The following CCL17 variants were observed in gnomAD, a reference collection of about 807,000 sequenced individuals.
CCL17 encodes C-C motif chemokine ligand 17, also known as C-C motif chemokine 17.
A neutral mutation model predicts 7.4 loss-of-function variants in CCL17; 8 were observed. That is an observed-to-expected ratio of 1.09 (90% CI 0.64 to 1.96). The LOEUF (loss-of-function observed/expected upper bound fraction) is 1.96, where lower values mean the gene tolerates loss of function less well. Among genes scored for constraint, CCL17 ranks in the 30% most tolerant of loss-of-function variants. The pLI is 0.00. For missense variants in CCL17, 102 were observed against 113.0 expected (o/e 0.90, Z 0.44); for synonymous variants, 40 against 46.1 (o/e 0.87, Z 0.54).
intron 1 of CCL17, among the ~76,000 whole-genome samples, chr16:57,406,967 G>A (rs1902705307): frequency 6.6e-6 from 1 of 152,138 alleles, no homozygotes; most frequent in African/African-American, 2.4e-5. Context: ...CTCAGTGAGA[G>A]CACCTTTCCT....
the CCL17 span, among the ~76,000 whole-genome samples, chr16:57,397,606 G>C: frequency 6.6e-6 from 1 of 152,128 alleles, no homozygotes; most frequent in Non-Finnish European, 1.5e-5. Flanking sequence ...CACTTCCTTG[G>C]GGTCTTGCAC....
intron 2 of CCL17, 66 bp downstream of exon 2, chr16:57,414,068 C>T: frequency 1.5e-6 from 2 of 1,304,244 alleles, no homozygotes; most frequent in Non-Finnish European, 2.2e-6. Context: ...GCATGAAGAC[C>T]ACCACAGCAA....
chr16:57,401,000 C>T (rs775668908), upstream of CCL17, among the ~76,000 whole-genome samples: 2 of 151,696 alleles, frequency 1.3e-5, no homozygotes, highest in Non-Finnish European at 2.9e-5. Flanking sequence ...CCCAAAGCCA[C>T]GCACTTAGTA....
chr16:57,402,970 G>A (rs762264759), upstream of CCL17, among the ~76,000 whole-genome samples: 12 of 129,862 alleles, frequency 9.2e-5, no homozygotes, highest in Non-Finnish European at 1.7e-4. Context: ...GTAAACAGCA[G>A]ACATAAGTAA....
chr16:57,397,399 A>G, the CCL17 span, among the ~76,000 whole-genome samples: 10 of 152,224 alleles, frequency 6.6e-5, no homozygotes, highest in Non-Finnish European at 2.9e-5. Context: ...CCCCCATGAA[A>G]GTCCCCATTC....
At chr16:57,410,394 C>T (rs1902764919) in intron 1 of CCL17, among the ~76,000 whole-genome samples, 2 of 152,266 alleles carry the variant, frequency 1.3e-5, no homozygotes, top group Non-Finnish European at 2.9e-5. Flanking sequence ...CACAGCCGCT[C>T]CTCCCACTCA....
At chr16:57,409,029 G>T (rs1177993124) in intron 1 of CCL17, among the ~76,000 whole-genome samples, 15 of 152,186 alleles carry the variant, frequency 9.9e-5, no homozygotes, top group Admixed American at 9.8e-4. Flanking sequence ...ATTTTATTGA[G>T]CACCCACTAA....
intron 1 of CCL17, among the ~76,000 whole-genome samples, chr16:57,412,062 C>A (rs1473430329): frequency 1.3e-5 from 2 of 152,168 alleles, no homozygotes; most frequent in Non-Finnish European, 2.9e-5. Flanking sequence ...TGATGGGACC[C>A]CCAGAGAAGC....
Position 57,415,420 on chromosome 16 carries a change from A to G in CCL17, c.188+222A>G, listed in dbSNP as rs974742606. 6.6e-6 allele frequency among the ~76,000 whole-genome samples: 1 copy of G among 152,196 alleles called. No individual in the cohort carries two copies. Among genetic ancestry groups the G allele is most frequent in the Admixed American group, 6.5e-5 (1 of 15,274 alleles). On this transcript the variant is annotated intron_variant, in intron 3 of 3. Transcript: ENST00000219244. The surrounding 1 kb of genome is among the most constrained non-coding windows in gnomAD (Gnocchi z 4.5). ...GAAATTGAGGCCCCGGGAGCAATGA[A>G]CACCCCCAGGTCACACAGCTGGTCA...
At chr16:57,403,585 A>ATATATATTTATAATATATAAT, upstream of CCL17, among the ~76,000 whole-genome samples, 1 of 48,636 alleles carries the variant, frequency 2.1e-5, no homozygotes, top group African/African-American at 1.4e-4. Context: ...TAATATATAT[A>ATATATATTTATAATATATAAT]ATATATATTT....
At chr16:57,409,258 CG>C (rs111787083) in intron 1 of CCL17, among the ~76,000 whole-genome samples, 1 of 152,056 alleles carries the variant, frequency 6.6e-6, no homozygotes, top group Admixed American at 6.6e-5. Context: ...GGAAGTGAGA[CG>C]GGGGAACAGG....
chr16:57,404,448 G>A (rs903733838), upstream of CCL17, among the ~76,000 whole-genome samples: 2 of 152,074 alleles, frequency 1.3e-5, no homozygotes, highest in African/African-American at 2.4e-5. Flanking sequence ...TAGCGCCCAG[G>A]TTTCTGGCCC....
At chr16:57,403,088 T>C (rs1902615962), upstream of CCL17, among the ~76,000 whole-genome samples, 1 of 124,760 alleles carries the variant, frequency 8.0e-6, no homozygotes, top group Non-Finnish European at 1.6e-5. Flanking sequence ...CACTGAAAGA[T>C]GTAATCTAAA....
rs1902862898 is a variant in CCL17, at chr16:57,415,908, A to G, written c.*47A>G. 2.3e-6 allele frequency: 3 copies of G among 1,307,820 alleles called. No homozygotes were observed. The highest frequency in any genetic ancestry group is 2.2e-6 in the Non-Finnish European group (2 of 902,322). 81.0% of individuals were successfully genotyped at this position (1,307,820 alleles called of 1,614,324 possible). On this transcript the variant is annotated 3_prime_UTR_variant, in exon 4 of 4. Transcript: ENST00000219244. The surrounding 1 kb of genome is among the most constrained non-coding windows in gnomAD (Gnocchi z 4.5). ...TGACTGTCTCCCGGGACTACCTGGG[A>G]CCTCCACCGTTGGTGTTCACCGCCC...
At chr16:57,403,588 A>AT (rs1902646960), upstream of CCL17, among the ~76,000 whole-genome samples, 1 of 64,138 alleles carries the variant, frequency 1.6e-5, no homozygotes, top group Non-Finnish European at 2.8e-5. Context: ...TATATATAAT[A>AT]TATATTTATA....
In CCL17 at chr16:57,415,056, C is replaced by G; in HGVS notation, c.71-25C>G. Reference sequence around the variant, plus strand: ...CACACACGCAGACACTCACAGACACCCCTGCCCCGCTCCTCTCCCTGCAGC... The same window carrying G: ...CACACACGCAGACACTCACAGACACGCCTGCCCCGCTCCTCTCCCTGCAGC... On this transcript the variant is annotated intron_variant, in intron 2 of 3. Transcript: ENST00000219244. This position sits in a 1 kb window ranked among gnomAD's most constrained non-coding sequence, Gnocchi z 4.5. 6.6e-7 allele frequency: 1 copy of G among 1,517,748 alleles called. No individual in the cohort carries two copies. Among genetic ancestry groups the G allele is most frequent in the South Asian group, 1.1e-5 (1 of 89,178 alleles). 94.0% of individuals were successfully genotyped at this position (1,517,748 alleles called of 1,614,324 possible).
At position 57,415,696 on chromosome 16, in the gene CCL17, G is replaced by A. The variant is rs536248198; in HGVS notation, c.189-69G>A. 5.5e-5 allele frequency: 49 copies of A among 894,878 alleles called. 1 individual carries two copies. Among genetic ancestry groups the A allele is most frequent in the South Asian group, 4.7e-4 (32 of 67,682 alleles). The allele number at this position is 894,878 out of a possible 1,614,324, so 55.4% of individuals were successfully genotyped here. ...CTTGGAATCCTGGTCAGCACAGGGC[G>A]GGCCGTCCCAGGGACTCTGGGGGCC... On this transcript the variant is annotated intron_variant, in intron 3 of 3. Coordinates refer to ENST00000219244, the MANE Select transcript of CCL17 (RefSeq NM_002987.3). This position sits in a 1 kb window ranked among gnomAD's most constrained non-coding sequence, Gnocchi z 4.5.
the CCL17 span, among the ~76,000 whole-genome samples, chr16:57,398,732 C>T: frequency 2.0e-5 from 3 of 152,174 alleles, no homozygotes; most frequent in African/African-American, 4.8e-5. Context: ...AATTTAGATG[C>T]CTTGTACCCT....
Position 57,415,089 on chromosome 16 carries a change from A to G in CCL17, c.79A>G (p.Thr27Ala). 3.1e-6 allele frequency: 5 copies of G among 1,612,494 alleles called. No homozygotes were observed. Among genetic ancestry groups the G allele is most frequent in the Non-Finnish European group, 4.2e-6 (5 of 1,178,616 alleles). The change falls in exon 3 of 4, where the codon ACC becomes GCC. Residue 27 changes from threonine (T) to alanine (A), a missense_variant. Transcript: ENST00000219244. The surrounding 1 kb of genome is among the most constrained non-coding windows in gnomAD (Gnocchi z 4.5). ...SLQHIHAARG[T>A]NVGRECCLEY... Reference sequence around the variant, plus strand: ...CGCTCCTCTCCCTGCAGCTCGAGGGACCAATGTGGGCCGGGAGTGCTGCCT... The same window carrying G: ...CGCTCCTCTCCCTGCAGCTCGAGGGGCCAATGTGGGCCGGGAGTGCTGCCT...
Sources: gnomAD v4.1 joint callset for allele counts (sites outside exome capture counted in the v4.1 genomes callset) on GRCh38, gnomAD v4.1.1 for gene constraint, Gnocchi (gnomAD v3.1) non-coding constraint, MANE v1.5 for transcripts, NCBI Gene and HGNC (gene_info 2026-07-23, HGNC 2026-07-21) for gene names.